Variants in BICD1 observed in about 807,000 individuals in gnomAD.
BICD1 encodes protein bicaudal D homolog 1.
A neutral mutation model predicts 92.5 loss-of-function variants in BICD1; 35 were observed. The observed-to-expected ratio is 0.38, with a 90% CI of 0.29 to 0.50. The LOEUF (loss-of-function observed/expected upper bound fraction) is 0.50. BICD1 is among the 20% of genes least tolerant of loss of function. The probability of loss-of-function intolerance (pLI) is 0.93; values close to 1 mark genes in which losing one functional copy is unlikely to be tolerated. For synonymous variants in BICD1, 429 were observed against 465.1 expected (o/e 0.92, Z 1.00); for missense variants, 950 against 1,189.8 (o/e 0.80, Z 2.97).
intron 2 of BICD1, among the ~76,000 whole-genome samples, chr12:32,255,089 T>C (rs1946679300): frequency 6.6e-6 from 1 of 152,130 alleles, no homozygotes; most frequent in African/African-American, 2.4e-5. Flanking sequence ...CTGATTTGGT[T>C]CCTGCTGAGG....
At position 32,376,319 on chromosome 12, in the gene BICD1, C is replaced by T. The variant is rs200788383; in HGVS notation, c.2841-1221C>T. 7.2e-5 allele frequency among the ~76,000 whole-genome samples: 11 copies of T among 152,066 alleles called. No individual in the cohort carries two copies. In the Middle Eastern group the frequency reaches 0.01, roughly 141 times the overall value. ...GGCCAGGATGGTCTCAATCTCTTGACCTCATAATCCTCCTGCCTTGGCCTC... is the reference window on the plus strand; with the variant it reads ...GGCCAGGATGGTCTCAATCTCTTGATCTCATAATCCTCCTGCCTTGGCCTC... On this transcript the variant is annotated intron_variant, in intron 9 of 9. Transcript: ENST00000652176.
At position 32,328,136 on chromosome 12, in the gene BICD1, C is replaced by T. The variant is rs1441648772; in HGVS notation, c.1681C>T (p.Pro561Ser). Residue 561 changes from proline to serine, a missense_variant, in exon 5 of 10, where the codon CCA becomes TCA. Transcript: ENST00000652176. The surrounding 1 kb of genome is among the most constrained non-coding windows in gnomAD (Gnocchi z 4.4). The part of the protein sequence containing the change: ...GPDDPRGLLS[P>S]RLARRGVSSP... ...CGATGATCCCAGAGGACTTTTGTCC[C>T]CACGATTAGCCAGGCGGGGTGTGTC... 8 of 1,614,016 alleles carry T rather than the reference C, an allele frequency of 5.0e-6. No homozygotes were observed. In the East Asian group the frequency reaches 1.8e-4, roughly 36 times the overall value.
chr12:32,326,863 A>T (rs185870778), intron 4 of BICD1, among the ~76,000 whole-genome samples: 1 of 152,208 alleles, frequency 6.6e-6, no homozygotes, highest in African/African-American at 2.4e-5. Flanking sequence ...AGTGTGGGTG[A>T]CAGAGCGAGA....
rs549638353 is a variant in BICD1, at chr12:32,299,509, G to A, written c.579+5363G>A. On this transcript the variant is annotated intron_variant, in intron 3 of 9. Transcript: ENST00000652176. ...CAGGCGGAGAAACATGAAACAGCTG[G>A]GTGAATAGTAGGAGCTTGTACCACA... Among the ~76,000 whole-genome samples, 7 of 152,254 alleles carry A rather than the reference G, an allele frequency of 4.6e-5. No homozygotes were observed. In the South Asian group the frequency reaches 1.5e-3, roughly 32 times the overall value.
intron 1 of BICD1, among the ~76,000 whole-genome samples, chr12:32,173,109 A>G (rs1213915258): frequency 6.6e-6 from 1 of 151,482 alleles, no homozygotes; most frequent in Non-Finnish European, 1.5e-5. Context: ...GTGCAGTGGC[A>G]CGATCGTGGA....
intron 1 of BICD1, among the ~76,000 whole-genome samples, chr12:32,192,284 A>T (rs1178939531): frequency 2.0e-5 from 3 of 152,056 alleles, no homozygotes; most frequent in East Asian, 1.9e-4. Flanking sequence ...ACAAAAAAAA[A>T]GTAGCCAGGC....
intron 2 of BICD1, among the ~76,000 whole-genome samples, chr12:32,258,204 C>T (rs1029890701): frequency 1.3e-5 from 2 of 152,170 alleles, no homozygotes; most frequent in African/African-American, 4.8e-5. Flanking sequence ...CATTTCAATA[C>T]TTACTTTCAT....
chr12:32,371,968 T>A (rs1939755491), intron 9 of BICD1, among the ~76,000 whole-genome samples: 1 of 152,236 alleles, frequency 6.6e-6, no homozygotes, highest in South Asian at 2.1e-4. Context: ...TGAACACAAC[T>A]GAGCCTAGTG....
chr12:32,231,497 A>G (rs775022113), intron 2 of BICD1, among the ~76,000 whole-genome samples: 1 of 151,956 alleles, frequency 6.6e-6, no homozygotes, highest in Non-Finnish European at 1.5e-5. Context: ...CCCAGAATCC[A>G]AATGTTGAAC....
intron 2 of BICD1, among the ~76,000 whole-genome samples, chr12:32,257,570 CTGTT>C (rs746708486): frequency 2.6e-5 from 4 of 152,052 alleles, no homozygotes; most frequent in East Asian, 1.9e-4. Context: ...TCTTGAAAAA[CTGTT>C]TGGCCTTATC....
chr12:32,178,768 A>G (rs1056075230), intron 1 of BICD1, among the ~76,000 whole-genome samples: 2 of 151,922 alleles, frequency 1.3e-5, no homozygotes, highest in East Asian at 3.8e-4. Context: ...CAGCCTCTAA[A>G]TTTGTACAAA....
intron 8 of BICD1, among the ~76,000 whole-genome samples, chr12:32,343,528 C>A (rs1592700864): frequency 6.6e-6 from 1 of 152,308 alleles, no homozygotes; most frequent in East Asian, 1.9e-4. Context: ...CCTGGGGAAG[C>A]AAGTTTGAAC....
chr12:32,298,569 C>CAAAG (rs760824277), intron 3 of BICD1, among the ~76,000 whole-genome samples: 2 of 77,818 alleles, frequency 2.6e-5, no homozygotes, highest in Non-Finnish European at 4.5e-5. Context: ...CGATCCACCT[C>CAAAG]AAAAAAAAAA....
chr12:32,145,507 A>G (rs1274397417), intron 1 of BICD1, among the ~76,000 whole-genome samples: 2 of 152,184 alleles, frequency 1.3e-5, no homozygotes, highest in African/African-American at 4.8e-5. Flanking sequence ...TAGCTCCTGG[A>G]CTTGGAAGAG....
chr12:32,174,768 G>A (rs1944045509), intron 1 of BICD1, among the ~76,000 whole-genome samples: 1 of 151,716 alleles, frequency 6.6e-6, no homozygotes, highest in Non-Finnish European at 1.5e-5. Flanking sequence ...TAATTTTCTT[G>A]GTTATTTCCA....
intron 2 of BICD1, among the ~76,000 whole-genome samples, chr12:32,237,495 G>A (rs1946107892): frequency 1.3e-5 from 2 of 152,226 alleles, no homozygotes; most frequent in Admixed American, 6.5e-5. Context: ...AGCTGGAGAG[G>A]AGAAGTCAAT....
chr12:32,205,751 AATC>A lies in BICD1; in HGVS notation c.214-10491_214-10489del, dbSNP rs1945035836. The stretch of plus-strand genomic sequence containing the variant: ...TTTTGACATATGTATATACTTGCGA[AATC>A]ATCAACACAACCAAGATAATGAACA... On this transcript the variant is annotated intron_variant, in intron 1 of 9. Coordinates refer to ENST00000652176, the MANE Select transcript of BICD1 (RefSeq NM_001714.4). Among the ~76,000 whole-genome samples, 5 of 100,430 alleles carry A rather than the reference AATC, an allele frequency of 5.0e-5. 1 individual carries two copies. In the South Asian group the frequency reaches 1.5e-3, roughly 29 times the overall value. 65.9% of individuals were successfully genotyped at this position (100,430 alleles called of 152,430 possible).
intron 1 of BICD1, among the ~76,000 whole-genome samples, chr12:32,171,778 G>A (rs1271460200): frequency 2.0e-5 from 3 of 151,922 alleles, no homozygotes; most frequent in African/African-American, 7.3e-5. Flanking sequence ...TACTAAAAAT[G>A]TAAAAATTAG....
intron 1 of BICD1, among the ~76,000 whole-genome samples, chr12:32,143,055 C>G (rs1409714767): frequency 6.6e-6 from 1 of 152,094 alleles, no homozygotes; most frequent in Admixed American, 6.6e-5. Context: ...TTTTGTTTGC[C>G]TTTTGTCTAT....
Sources: allele counts gnomAD v4.1 joint callset (sites outside exome capture counted in the v4.1 genomes callset), GRCh38; gene constraint gnomAD v4.1.1; non-coding constraint Gnocchi (gnomAD v3.1); transcripts MANE v1.5; gene names NCBI Gene and HGNC (gene_info 2026-07-23, HGNC 2026-07-21).